The following KCTD14 variants were observed in gnomAD, a reference collection of about 807,000 sequenced individuals.
The protein encoded by KCTD14 is BTB/POZ domain-containing protein KCTD14.
Under a neutral mutation model 5.9 loss-of-function variants are expected in KCTD14, and 7 were observed. That is an observed-to-expected ratio of 1.19 (90% confidence interval 0.68 to 2.23). The LOEUF is 2.23. Ranked by LOEUF, KCTD14 falls within the 30% of genes most tolerant of loss-of-function variation. KCTD14 has a pLI of 0.00. For synonymous variants in KCTD14, 140 were observed against 133.1 expected, an observed-to-expected ratio of 1.05 and a Z score of -0.36; for missense variants, 342 against 332.2, an observed-to-expected ratio of 1.03 and a Z score of -0.23.
intron 1 of KCTD14, among the ~76,000 whole-genome samples, chr11:78,020,576 C>T (rs1446029367): frequency 6.6e-6 from 1 of 152,358 alleles, no homozygotes; most frequent in African/African-American, 2.4e-5. Flanking sequence ...CCTGAAGTCA[C>T]CTCTGTAAAG....
intron 2 of KCTD14, among the ~76,000 whole-genome samples, chr11:78,034,423 T>A (rs570545419): frequency 1.9e-4 from 29 of 152,178 alleles, no homozygotes; most frequent in African/African-American, 6.7e-4. Context: ...GAAAATTACT[T>A]TTCATTGTAT....
At chr11:78,039,368 A>T (rs970106335) in intron 1 of KCTD14, among the ~76,000 whole-genome samples, 8 of 138,704 alleles carry the variant, frequency 5.8e-5, no homozygotes, top group South Asian at 2.2e-4. Flanking sequence ...AATACAAAAA[A>T]AATAAATAAA....
intron 2 of KCTD14, among the ~76,000 whole-genome samples, chr11:78,029,330 G>T (rs1286454949): frequency 6.6e-6 from 1 of 152,118 alleles, no homozygotes; most frequent in Non-Finnish European, 1.5e-5. Flanking sequence ...CTTGGCTTTG[G>T]TTAGCTCCCT....
At chr11:78,018,517 G>A (rs1330655895) in intron 1 of KCTD14, among the ~76,000 whole-genome samples, 3 of 152,086 alleles carry the variant, frequency 2.0e-5, no homozygotes, top group Non-Finnish European at 4.4e-5. Context: ...AACCAGCCTG[G>A]CCAACATGGT....
At position 78,029,569 on chromosome 11, in the gene KCTD14, A is replaced by G. The variant is rs542615768; in HGVS notation, c.-1+9095T>C. Among the ~76,000 whole-genome samples, 10 of 152,380 alleles carry G rather than the reference A, an allele frequency of 6.6e-5. No homozygotes were observed. In the South Asian group the frequency reaches 2.1e-3, roughly 32 times the overall value. ...ACTGGAATGTAATGTCAAGTGTATG[A>G]TAAGTTTTGAAACTTAATTTTTCTC... On this transcript the variant is annotated intron_variant, in intron 2 of 2. Transcript: ENST00000533144.
At position 78,035,844 on chromosome 11, in the gene KCTD14, C is replaced by CAAAAA. The variant is rs559820760; in HGVS notation, c.-1+2815_-1+2819dup. Among the ~76,000 whole-genome samples, 77 of 79,224 alleles carry CAAAAA rather than the reference C, an allele frequency of 9.7e-4. 2 individuals are homozygous for CAAAAA. The highest frequency in any genetic ancestry group is 1.6e-3 in the East Asian group (4 of 2,556). The allele number at this position is 79,224 out of a possible 152,430, so 52.0% of individuals were successfully genotyped here. On this transcript the variant is annotated intron_variant, in intron 2 of 2. Coordinates refer to the KCTD14 transcript ENST00000533144. ...TGGGCAACAGAGCGAGACTCCATCT[C>CAAAAA]AAAAAAAAAAAAAAAAAAAAACAGT...
chr11:78,016,869 C>A lies in KCTD14; in HGVS notation c.492G>T (p.Arg164=), dbSNP rs760350468. 9 of 1,614,242 alleles carry A rather than the reference C, an allele frequency of 5.6e-6. No individual in the cohort carries two copies. Among genetic ancestry groups the A allele is most frequent in the Non-Finnish European group, 7.6e-6 (9 of 1,180,024 alleles). Residue 164 remains arginine, a synonymous_variant, in exon 2 of 2, where the codon CGG becomes CGT. Transcript: ENST00000353172. ...RLARAEAITA[R]KSSVLVCLVE... ...CCAGGCACACAAGCACGCTGGACTT[C>A]CGTGCTGTTATGGCTTCTGCACGTG...
chr11:78,044,238 G>A (rs1302971747), intron 1 of KCTD14, among the ~76,000 whole-genome samples: 1 of 152,152 alleles, frequency 6.6e-6, no homozygotes, highest in African/African-American at 2.4e-5. Context: ...AGTCTTGGAG[G>A]TGGAGACTCT....
At position 78,016,302 on chromosome 11, in the gene KCTD14, C is replaced by T. The variant is rs926878489; in HGVS notation, c.*291G>A. ...GTTGTCATCTCACATCTCTTGCCAA[C>T]GCATTGTTGAAACATTCTTACTTGG... is the stretch of plus-strand genomic sequence containing the variant. On this transcript the variant is annotated 3_prime_UTR_variant, in exon 2 of 2. Coordinates refer to ENST00000353172, the MANE Select transcript of KCTD14 (RefSeq NM_023930.4). The T allele has an allele frequency of 2.8e-5, 12 of 435,356 alleles. No individual in the cohort carries two copies. The highest frequency in any genetic ancestry group is 4.0e-5 in the African/African-American group (2 of 50,402). The allele number at this position is 435,356 out of a possible 1,614,324, so 27.0% of individuals were successfully genotyped here.
At chr11:78,021,960 G>A (rs1054770217) in intron 1 of KCTD14, among the ~76,000 whole-genome samples, 4 of 152,094 alleles carry the variant, frequency 2.6e-5, no homozygotes, top group Non-Finnish European at 5.9e-5. Flanking sequence ...TTGGCCATCC[G>A]CACTCCTTTC....
At chr11:78,024,491 A>C (rs4945236), upstream of KCTD14, among the ~76,000 whole-genome samples, 110,816 of 148,966 alleles carry the variant, frequency 0.74, 42,103 homozygotes, top group Admixed American at 0.81. Flanking sequence ...GTTACAGTTA[A>C]AAAATCTCCT....
chr11:78,034,757 T>C (rs1234593433), intron 2 of KCTD14, among the ~76,000 whole-genome samples: 3 of 152,100 alleles, frequency 2.0e-5, no homozygotes, highest in Non-Finnish European at 4.4e-5. Flanking sequence ...GGGACCCTGC[T>C]CACCGCGGCC....
intron 2 of KCTD14, among the ~76,000 whole-genome samples, chr11:78,037,923 C>T (rs1451212668): frequency 6.6e-6 from 1 of 151,532 alleles, no homozygotes; most frequent in East Asian, 1.9e-4. Flanking sequence ...CACAAGTGTG[C>T]TCACTTTGTG....
At chr11:78,040,949 T>G (rs2372889) in intron 1 of KCTD14, among the ~76,000 whole-genome samples, 2 of 152,092 alleles carry the variant, frequency 1.3e-5, no homozygotes, top group African/African-American at 4.8e-5. Context: ...GGATTATAGG[T>G]GTGAGCCACC....
chr11:78,033,901 G>GTGTGTACATATATATATA, intron 2 of KCTD14, among the ~76,000 whole-genome samples: 1 of 115,604 alleles, frequency 8.7e-6, no homozygotes. Flanking sequence ...GTGTGTGTGT[G>GTGTGTACATATATATATA]TATATATATA....
In KCTD14 at chr11:78,016,418, A is replaced by T; in HGVS notation, c.*175T>A. On this transcript the variant is annotated 3_prime_UTR_variant, in exon 2 of 2. Coordinates refer to ENST00000353172, the MANE Select transcript of KCTD14 (RefSeq NM_023930.4). ...CAAGTTGCTAGGCAAATATAGTGGC[A>T]TCAGTTGCAATGGAGTGGAAAGTCC... 1.6e-6 allele frequency: 1 copy of T among 610,516 alleles called. No homozygotes were observed. Among genetic ancestry groups the T allele is most frequent in the South Asian group, 2.1e-5 (1 of 47,938 alleles). The allele number at this position is 610,516 out of a possible 1,614,324, so 37.8% of individuals were successfully genotyped here.
chr11:78,023,369 A>C (rs905711307), upstream of KCTD14: 1 of 908,464 alleles, frequency 1.1e-6, no homozygotes, highest in Non-Finnish European at 1.7e-6. Flanking sequence ...GGCCAAGTGC[A>C]GAAAGAAATG....
chr11:78,023,073 C>T (rs185754402), intron 1 of KCTD14, 87 bp downstream of exon 1: 25 of 900,614 alleles, frequency 2.8e-5, no homozygotes, highest in South Asian at 2.1e-4. Context: ...CTGGGAGGGA[C>T]GGGCAGGAGA....
intron 1 of KCTD14, among the ~76,000 whole-genome samples, chr11:78,039,124 G>A (rs1857914544): frequency 6.6e-6 from 1 of 151,258 alleles, no homozygotes; most frequent in African/African-American, 2.4e-5. Flanking sequence ...GGGTTGGGCT[G>A]AACTGAATTT....
Sources: allele counts gnomAD v4.1 joint callset (sites outside exome capture counted in the v4.1 genomes callset), GRCh38; gene constraint gnomAD v4.1.1; transcripts MANE v1.5; gene names NCBI Gene and HGNC (gene_info 2026-07-23, HGNC 2026-07-21).